PRR16: variants seen among roughly 807,000 people sequenced by gnomAD.
PRR16 encodes proline rich 16, also known as protein Largen.
Under a neutral mutation model 18.2 loss-of-function variants are expected in PRR16, and 6 were observed. That is an observed-to-expected ratio of 0.33 (90% CI 0.18 to 0.65). PRR16 has a LOEUF of 0.65. Among genes scored for constraint, PRR16 ranks in the 30% least tolerant of loss-of-function variants. The pLI is 0.74. For synonymous variants in PRR16, 151 were observed against 147.8 expected (o/e 1.02, Z -0.16); for missense variants, 412 against 376.6 (o/e 1.09, Z -0.78).
intron 1 of PRR16, among the ~76,000 whole-genome samples, chr5:120,493,522 G>C (rs1218693964): frequency 6.6e-6 from 1 of 152,074 alleles, no homozygotes; most frequent in Non-Finnish European, 1.5e-5. Context: ...GATGCAGAGA[G>C]ATCCCATTTC....
chr5:120,785,210 C>T, the PRR16 span, among the ~76,000 whole-genome samples: 1 of 152,102 alleles, frequency 6.6e-6, no homozygotes, highest in African/African-American at 2.4e-5. Context: ...TGACAAGTGT[C>T]TAGGGCTACA....
intron 1 of PRR16, among the ~76,000 whole-genome samples, chr5:120,528,374 A>G (rs1242298754): frequency 1.3e-5 from 2 of 152,146 alleles, no homozygotes; most frequent in Non-Finnish European, 2.9e-5. Context: ...AGTACAATGA[A>G]TGGTGATTGC....
At chr5:120,605,610 G>C (rs1025706087) in intron 1 of PRR16, among the ~76,000 whole-genome samples, 16 of 152,176 alleles carry the variant, frequency 1.1e-4, no homozygotes, top group African/African-American at 3.9e-4. Flanking sequence ...AGAGTTGTCA[G>C]AATCATTATG....
intron 1 of PRR16, among the ~76,000 whole-genome samples, chr5:120,554,385 G>A (rs1752346944): frequency 6.6e-6 from 1 of 151,922 alleles, no homozygotes; most frequent in Non-Finnish European, 1.5e-5. Flanking sequence ...ATTTAGTTAT[G>A]TAACTGTAGA....
At chr5:120,758,103 CTA>C in the PRR16 span, among the ~76,000 whole-genome samples, 1 of 152,012 alleles carries the variant, frequency 6.6e-6, no homozygotes, top group African/African-American at 2.4e-5. Flanking sequence ...ACATTATTAA[CTA>C]TTTTTTCACT....
chr5:120,544,402 T>G (rs1440268232), intron 1 of PRR16, among the ~76,000 whole-genome samples: 1 of 152,196 alleles, frequency 6.6e-6, no homozygotes, highest in Non-Finnish European at 1.5e-5. Context: ...TATGCTAGTC[T>G]GTAATTTCTG....
chr5:120,538,611 G>T (rs13188158), intron 1 of PRR16, among the ~76,000 whole-genome samples: 7,935 of 152,262 alleles, frequency 0.052, 300 homozygotes, highest in Middle Eastern at 0.092. Flanking sequence ...CTGCTTGGTG[G>T]TTTGAATTTC....
chr5:120,620,240 G>T (rs1408954884), intron 1 of PRR16, among the ~76,000 whole-genome samples: 2 of 152,086 alleles, frequency 1.3e-5, no homozygotes, highest in African/African-American at 4.8e-5. Flanking sequence ...TATTTATCAC[G>T]AAGAGTGACC....
At chr5:120,629,021 C>T (rs1211287492) in intron 1 of PRR16, among the ~76,000 whole-genome samples, 1 of 151,850 alleles carries the variant, frequency 6.6e-6, no homozygotes, top group African/African-American at 2.4e-5. Flanking sequence ...GTTTTCAATC[C>T]TCACCTTTCT....
chr5:120,654,968 C>T (rs536959572), intron 1 of PRR16, among the ~76,000 whole-genome samples: 1 of 151,958 alleles, frequency 6.6e-6, no homozygotes, highest in East Asian at 1.9e-4. Flanking sequence ...AATATATAAA[C>T]ACATCTCAAA....
intron 1 of PRR16, among the ~76,000 whole-genome samples, chr5:120,504,611 A>G (rs1750579912): frequency 6.6e-6 from 1 of 152,094 alleles, no homozygotes; most frequent in Non-Finnish European, 1.5e-5. Flanking sequence ...CATTGATGTA[A>G]GAAGGTCAGT....
chr5:120,594,368 A>T (rs1753735432), intron 1 of PRR16, among the ~76,000 whole-genome samples: 1 of 152,096 alleles, frequency 6.6e-6, no homozygotes, highest in Non-Finnish European at 1.5e-5. Context: ...AGCCACAAAA[A>T]AATAATAGTA....
chr5:120,677,512 T>C (rs953872206), intron 1 of PRR16, among the ~76,000 whole-genome samples: 1 of 152,190 alleles, frequency 6.6e-6, no homozygotes, highest in African/African-American at 2.4e-5. Flanking sequence ...CTCCCATTAA[T>C]TTCTCTTTTC....
the PRR16 span, among the ~76,000 whole-genome samples, chr5:120,716,249 T>A: frequency 2.0e-5 from 3 of 152,168 alleles, no homozygotes; most frequent in Admixed American, 1.3e-4. Context: ...CAGAGATCTG[T>A]CTTCCTGCCT....
At chr5:120,592,000 A>C (rs1753650363) in intron 1 of PRR16, among the ~76,000 whole-genome samples, 1 of 152,104 alleles carries the variant, frequency 6.6e-6, no homozygotes, top group South Asian at 2.1e-4. Context: ...GATTGCTGTT[A>C]TAGTCTTTAT....
chr5:120,524,152 C>T (rs142960128), intron 1 of PRR16, among the ~76,000 whole-genome samples: 129 of 152,236 alleles, frequency 8.5e-4, no homozygotes, highest in African/African-American at 3.1e-3. Context: ...CAGCTGGAAC[C>T]AGGATTTCAA....
At chr5:120,481,957 T>C (rs1356935094) in intron 1 of PRR16, among the ~76,000 whole-genome samples, 1 of 152,246 alleles carries the variant, frequency 6.6e-6, no homozygotes, top group East Asian at 1.9e-4. Context: ...TTATTGTTGT[T>C]ATGAGTGCCA....
chr5:120,556,401 G>A (rs568588789), intron 1 of PRR16, among the ~76,000 whole-genome samples: 2 of 151,758 alleles, frequency 1.3e-5, no homozygotes, highest in South Asian at 4.1e-4. Context: ...CGACTTTTAC[G>A]TTGATAATTT....
the PRR16 span, among the ~76,000 whole-genome samples, chr5:120,746,742 A>G: frequency 6.6e-6 from 1 of 152,122 alleles, no homozygotes; most frequent in African/African-American, 2.4e-5. Context: ...ATGTAGAGCC[A>G]GAGTTGAGAA....
Sources: gnomAD v4.1 joint callset for allele counts (sites outside exome capture counted in the v4.1 genomes callset) on GRCh38, gnomAD v4.1.1 for gene constraint, MANE v1.5 for transcripts, NCBI Gene and HGNC (gene_info 2026-07-23, HGNC 2026-07-21) for gene names.